The following RAB38 variants were observed in gnomAD, a reference collection of about 807,000 sequenced individuals.
RAB38 encodes the protein RAB38, member RAS oncogene family.
RAB38 carries 15 observed loss-of-function variants against 18.4 expected under a neutral mutation model. The ratio of observed to expected loss-of-function variants is 0.82; its 90% confidence interval spans 0.55 to 1.26. RAB38 has a LOEUF of 1.26. Ranked by LOEUF, RAB38 falls within the 50% of genes most tolerant of loss-of-function variation. The probability of loss-of-function intolerance (pLI) is 0.00; values close to 1 mark genes in which losing one functional copy is unlikely to be tolerated. For missense variants in RAB38, 294 were observed against 267.4 expected, an observed-to-expected ratio of 1.10 and a Z score of -0.69; for synonymous variants, 101 against 104.4, an observed-to-expected ratio of 0.97 and a Z score of 0.20.
the RAB38 span, among the ~76,000 whole-genome samples, chr11:87,888,078 C>A: frequency 6.6e-6 from 1 of 151,744 alleles, no homozygotes. Flanking sequence ...CTTTCTTGAT[C>A]TTACTATGTA....
the RAB38 span, among the ~76,000 whole-genome samples, chr11:87,825,056 G>C: frequency 6.6e-6 from 1 of 151,988 alleles, no homozygotes; most frequent in South Asian, 2.1e-4. Flanking sequence ...ATCAAGAATA[G>C]CATCGAACTT....
the RAB38 span, among the ~76,000 whole-genome samples, chr11:87,909,573 C>A: frequency 2.0e-5 from 3 of 152,112 alleles, no homozygotes; most frequent in South Asian, 6.2e-4. Flanking sequence ...AAATCAGAAT[C>A]AAAATCAATA....
chr11:87,839,366 C>A, the RAB38 span, among the ~76,000 whole-genome samples: 1 of 152,174 alleles, frequency 6.6e-6, no homozygotes, highest in African/African-American at 2.4e-5. Context: ...AAGACTCAGA[C>A]AGATAGTGGT....
the RAB38 span, among the ~76,000 whole-genome samples, chr11:88,009,255 T>C: frequency 6.6e-6 from 1 of 152,056 alleles, no homozygotes; most frequent in African/African-American, 2.4e-5. Flanking sequence ...CCTCACCTCC[T>C]AAAAAATCAA....
the RAB38 span, among the ~76,000 whole-genome samples, chr11:87,846,283 C>G: frequency 1.3e-5 from 2 of 151,936 alleles, no homozygotes; most frequent in Admixed American, 1.3e-4. Flanking sequence ...TTTCGTTACT[C>G]CAATTTACAG....
Position 88,175,247 on chromosome 11 carries a change from G to C in RAB38, c.138C>G (p.Phe46Leu). The C allele has an allele frequency of 6.2e-7, 1 of 1,614,126 alleles. No individual in the cohort carries two copies. Reference protein sequence around the residue: ...SHYRATIGVDFALKVLHWDPE... With the variant: ...SHYRATIGVDLALKVLHWDPE... ...GGTCCCAGTGGAGCACCTTGAGCGCGAAGTCCACGCCGATTGTGGCCCGGT... is the reference window on the plus strand; with the variant it reads ...GGTCCCAGTGGAGCACCTTGAGCGCCAAGTCCACGCCGATTGTGGCCCGGT... Residue 46 changes from phenylalanine (F) to leucine (L), a missense_variant, in exon 1 of 3, where the codon TTC becomes TTG. Transcript: ENST00000243662.
chr11:87,869,566 T>C, the RAB38 span, among the ~76,000 whole-genome samples: 1 of 151,102 alleles, frequency 6.6e-6, no homozygotes, highest in African/African-American at 2.4e-5. Flanking sequence ...CAGCAGCAGG[T>C]GGAGTGCTAT....
intron 2 of RAB38, among the ~76,000 whole-genome samples, chr11:88,139,575 G>A (rs2134809739): frequency 6.6e-6 from 1 of 152,320 alleles, no homozygotes; most frequent in South Asian, 2.1e-4. Flanking sequence ...TGAATATATA[G>A]TAGGTATTCA....
At chr11:88,037,146 G>A in the RAB38 span, among the ~76,000 whole-genome samples, 40 of 151,968 alleles carry the variant, frequency 2.6e-4, no homozygotes, top group African/African-American at 8.9e-4. Context: ...CATTTTATAC[G>A]TCAATCAGTT....
At chr11:87,935,804 C>T in the RAB38 span, among the ~76,000 whole-genome samples, 2 of 152,026 alleles carry the variant, frequency 1.3e-5, no homozygotes, top group Non-Finnish European at 1.5e-5. Context: ...ATAATTTTGT[C>T]ATTTGAAGAA....
chr11:88,033,204 A>T, the RAB38 span, among the ~76,000 whole-genome samples: 1 of 151,768 alleles, frequency 6.6e-6, no homozygotes, highest in Non-Finnish European at 1.5e-5. Flanking sequence ...AGGAAGGGGA[A>T]CGTGACACTC....
chr11:88,072,749 A>G, the RAB38 span, among the ~76,000 whole-genome samples: 4 of 152,146 alleles, frequency 2.6e-5, no homozygotes, highest in South Asian at 8.3e-4. Flanking sequence ...ATACACTTAC[A>G]TTACCAAAGA....
chr11:88,018,717 C>A, the RAB38 span, among the ~76,000 whole-genome samples: 2 of 152,054 alleles, frequency 1.3e-5, no homozygotes, highest in Non-Finnish European at 2.9e-5. Flanking sequence ...TGCATATAAC[C>A]TCCATATACA....
chr11:88,034,125 A>G, the RAB38 span, among the ~76,000 whole-genome samples: 1 of 152,194 alleles, frequency 6.6e-6, no homozygotes, highest in East Asian at 1.9e-4. Context: ...CAATTCAATA[A>G]TGTTACATAA....
chr11:87,882,103 T>G, the RAB38 span, among the ~76,000 whole-genome samples: 1 of 151,916 alleles, frequency 6.6e-6, no homozygotes, highest in African/African-American at 2.4e-5. Flanking sequence ...CTTAAAAATA[T>G]CCTTGGTTTT....
At chr11:87,944,110 G>T in the RAB38 span, among the ~76,000 whole-genome samples, 7 of 151,906 alleles carry the variant, frequency 4.6e-5, no homozygotes, top group Non-Finnish European at 8.8e-5. Flanking sequence ...TTTATACTAT[G>T]GTCTATTAAG....
At chr11:88,139,685 T>C (rs1942881901) in intron 2 of RAB38, among the ~76,000 whole-genome samples, 1 of 151,970 alleles carries the variant, frequency 6.6e-6, no homozygotes, top group Non-Finnish European at 1.5e-5. Flanking sequence ...ACCAAAGGAG[T>C]GTTTTCCAAA....
chr11:88,070,344 G>T, the RAB38 span, among the ~76,000 whole-genome samples: 1 of 152,182 alleles, frequency 6.6e-6, no homozygotes, highest in African/African-American at 2.4e-5. Context: ...CCAGAAGGAA[G>T]AAACTCTGAA....
At chr11:88,026,640 A>G in the RAB38 span, among the ~76,000 whole-genome samples, 8 of 151,764 alleles carry the variant, frequency 5.3e-5, no homozygotes, top group African/African-American at 1.9e-4. Context: ...AGCCTCCCAA[A>G]GTGCTGGGAT....
Sources: allele counts gnomAD v4.1 joint callset (sites outside exome capture counted in the v4.1 genomes callset), GRCh38; gene constraint gnomAD v4.1.1; transcripts MANE v1.5; gene names NCBI Gene and HGNC (gene_info 2026-07-23, HGNC 2026-07-21).